Variants in SPATA13 observed in about 807,000 individuals in gnomAD.
SPATA13 encodes spermatogenesis-associated protein 13.
In SPATA13, 50 loss-of-function variants were observed where a neutral mutation model predicts 104.0. That is an observed-to-expected ratio of 0.48 (90% CI 0.38 to 0.61). The LOEUF (loss-of-function observed/expected upper bound fraction) is 0.61, where lower values mean the gene tolerates loss of function less well. Among genes scored for constraint, SPATA13 ranks in the 20% least tolerant of loss-of-function variants. SPATA13 has a pLI of 0.00. For missense variants in SPATA13, 1,524 were observed against 1,690.6 expected (o/e 0.90, Z 1.73); for synonymous variants, 606 against 667.5 (o/e 0.91, Z 1.42).
At chr13:24,020,293 A>C (rs1405128138) in intron 3 of SPATA13, among the ~76,000 whole-genome samples, 1 of 152,238 alleles carries the variant, frequency 6.6e-6, no homozygotes, top group Non-Finnish European at 1.5e-5. Flanking sequence ...TTGAACTTCT[A>C]ACCAATATGC....
intron 11 of SPATA13, among the ~76,000 whole-genome samples, chr13:24,299,391 C>G (rs1877019909): frequency 1.3e-5 from 2 of 152,244 alleles, no homozygotes; most frequent in Non-Finnish European, 2.9e-5. Context: ...TGGGATAAAA[C>G]TGGATGCATT....
intron 12 of SPATA13, among the ~76,000 whole-genome samples, chr13:24,301,211 A>G (rs570791107): frequency 1.4e-4 from 22 of 152,190 alleles, no homozygotes; most frequent in Non-Finnish European, 2.9e-4. Flanking sequence ...TCATCTTTCT[A>G]CTTTAAAAGG....
At chr13:24,288,594 G>A (rs1876121301) in intron 7 of SPATA13, among the ~76,000 whole-genome samples, 1 of 152,182 alleles carries the variant, frequency 6.6e-6, no homozygotes, top group South Asian at 2.1e-4. Context: ...GATGAACAGT[G>A]CACAGAGCTG....
At chr13:24,116,495 C>T (rs911299533) in intron 3 of SPATA13, among the ~76,000 whole-genome samples, 5 of 152,180 alleles carry the variant, frequency 3.3e-5, no homozygotes, top group Admixed American at 2.6e-4. Context: ...AGTAGCATTT[C>T]CTGAGCCCAT....
chr13:24,169,825 C>T (rs1882894908), intron 1 of SPATA13, among the ~76,000 whole-genome samples: 2 of 152,224 alleles, frequency 1.3e-5, no homozygotes, highest in Non-Finnish European at 2.9e-5. Flanking sequence ...CCCCACTCTC[C>T]TCTCCTGCCT....
intron 3 of SPATA13, among the ~76,000 whole-genome samples, chr13:24,046,284 T>G (rs2137735484): frequency 8.0e-6 from 1 of 124,474 alleles, no homozygotes; most frequent in Non-Finnish European, 1.6e-5. Flanking sequence ...TCTAACACCA[T>G]AGATTTCTTT....
chr13:24,056,305 G>T (rs993189078), intron 3 of SPATA13, among the ~76,000 whole-genome samples: 2 of 152,244 alleles, frequency 1.3e-5, no homozygotes, highest in African/African-American at 4.8e-5. Context: ...GACCCATTTA[G>T]AGATGCTTTG....
At chr13:24,267,283 G>A (rs1874341805) in intron 4 of SPATA13, among the ~76,000 whole-genome samples, 1 of 152,164 alleles carries the variant, frequency 6.6e-6, no homozygotes, top group Admixed American at 6.5e-5. Context: ...CCAAGCTGGT[G>A]GGGACATAAA....
intron 3 of SPATA13, among the ~76,000 whole-genome samples, chr13:24,131,361 C>T (rs544856040): frequency 6.6e-6 from 1 of 152,266 alleles, no homozygotes; most frequent in African/African-American, 2.4e-5. Context: ...GGCCAAGGAC[C>T]AGCTGACTTC....
intron 2 of SPATA13, among the ~76,000 whole-genome samples, chr13:24,009,432 A>T (rs1876371812): frequency 6.6e-6 from 1 of 152,230 alleles, no homozygotes; most frequent in Non-Finnish European, 1.5e-5. Flanking sequence ...GATCCTGAGA[A>T]CATGTGCCCT....
intron 2 of SPATA13, among the ~76,000 whole-genome samples, chr13:24,016,663 C>T (rs1477265071): frequency 6.6e-6 from 1 of 152,234 alleles, no homozygotes; most frequent in Non-Finnish European, 1.5e-5. Flanking sequence ...TCCTTCCTGG[C>T]TCTCAGTTTC....
intron 4 of SPATA13, among the ~76,000 whole-genome samples, chr13:24,281,840 G>GC (rs1875548575): frequency 6.6e-6 from 1 of 152,148 alleles, no homozygotes. Context: ...GCCGCTGGCA[G>GC]CACGTGCACA....
At chr13:24,241,151 C>G (rs968858694) in intron 2 of SPATA13, among the ~76,000 whole-genome samples, 7 of 152,208 alleles carry the variant, frequency 4.6e-5, no homozygotes, top group African/African-American at 1.7e-4. Context: ...AACCTAAGAT[C>G]CTAGTAAAAA....
chr13:24,132,361 C>A lies in SPATA13; in HGVS notation c.-111-90458C>A, dbSNP rs9580881. Among the ~76,000 whole-genome samples, 1,166 of 152,276 alleles carry A rather than the reference C, an allele frequency of 7.7e-3. 13 individuals carry two copies. The highest frequency in any genetic ancestry group is 0.026 in the African/African-American group (1,073 of 41,556). On this transcript the variant is annotated intron_variant, in intron 3 of 14. Transcript: ENST00000424834. ...CTTCAGTTTCATAGGGCCATCTGGA[C>A]CAAGTCCTAATTTATGCTGTACTCC...
chr13:24,190,889 A>G (rs192275095), intron 1 of SPATA13, among the ~76,000 whole-genome samples: 23 of 152,266 alleles, frequency 1.5e-4, no homozygotes, highest in African/African-American at 5.5e-4. Context: ...AATGCTATCA[A>G]ACAGTATCGC....
intron 3 of SPATA13, among the ~76,000 whole-genome samples, chr13:24,039,257 G>A (rs778988898): frequency 1.6e-4 from 25 of 152,212 alleles, no homozygotes; most frequent in Admixed American, 5.2e-4. Flanking sequence ...GGCTGTGGCT[G>A]CAGCTGCTGG....
intron 1 of SPATA13, among the ~76,000 whole-genome samples, chr13:24,202,141 A>G (rs935531986): frequency 1.3e-5 from 2 of 152,160 alleles, no homozygotes; most frequent in African/African-American, 4.8e-5. Context: ...TTTGACTCCT[A>G]TATTCGTTGA....
intron 3 of SPATA13, among the ~76,000 whole-genome samples, chr13:24,138,150 T>C (rs1267648192): frequency 6.8e-6 from 1 of 147,550 alleles, no homozygotes; most frequent in African/African-American, 2.6e-5. Flanking sequence ...AAAAAAAAAA[T>C]ACAAAAATTA....
At chr13:24,168,421 C>T (rs1478913289) in intron 1 of SPATA13, among the ~76,000 whole-genome samples, 1 of 152,200 alleles carries the variant, frequency 6.6e-6, no homozygotes, top group East Asian at 1.9e-4. Flanking sequence ...TTTGCCCTGC[C>T]AGCTTCCAAG....
Sources: allele counts gnomAD v4.1 joint callset (sites outside exome capture counted in the v4.1 genomes callset), GRCh38; gene constraint gnomAD v4.1.1; transcripts MANE v1.5; gene names NCBI Gene and HGNC (gene_info 2026-07-23, HGNC 2026-07-21).